The following PCDHGA9 variants were observed in gnomAD, a reference collection of about 807,000 sequenced individuals.
The protein encoded by PCDHGA9 is protocadherin gamma subfamily A, 9.
PCDHGA9 carries 37 observed loss-of-function variants against 62.5 expected under a neutral mutation model. The ratio of observed to expected loss-of-function variants is 0.59; its 90% CI spans 0.46 to 0.78. The LOEUF (loss-of-function observed/expected upper bound fraction) is 0.78. Among genes scored for constraint, PCDHGA9 ranks in the 30% least tolerant of loss-of-function variants. PCDHGA9 has a pLI of 0.00. For missense variants in PCDHGA9, 1,138 were observed against 1,166.2 expected (o/e 0.98, Z 0.35); for synonymous variants, 459 against 484.6 (o/e 0.95, Z 0.69).
chr5:141,483,444 T>C (rs956913442), intron 1 of PCDHGA9, among the ~76,000 whole-genome samples: 1 of 152,108 alleles, frequency 6.6e-6, no homozygotes, highest in African/African-American at 2.4e-5. Context: ...TACAATAAAA[T>C]CATCAGGACT....
At chr5:141,457,802 T>C (rs1332412750) in intron 1 of PCDHGA9, among the ~76,000 whole-genome samples, 1 of 152,210 alleles carries the variant, frequency 6.6e-6, no homozygotes, top group Non-Finnish European at 1.5e-5. Context: ...TCCTCTCCTC[T>C]TGAGGTCCCA....
At chr5:141,410,394 T>C in intron 1 of PCDHGA9, 1 of 1,614,054 alleles carries the variant, frequency 6.2e-7, no homozygotes, top group Non-Finnish European at 8.5e-7. Context: ...CATCCTGGTC[T>C]CTGTGTCAAG....
chr5:141,501,331 A>T (rs1024837974), intron 2 of PCDHGA9, among the ~76,000 whole-genome samples: 2 of 138,846 alleles, frequency 1.4e-5, no homozygotes, highest in Non-Finnish European at 1.6e-5. Flanking sequence ...ACACACACAC[A>T]CACCCCAAAC....
At chr5:141,447,535 G>C (rs1366016262) in intron 1 of PCDHGA9, among the ~76,000 whole-genome samples, 1 of 152,162 alleles carries the variant, frequency 6.6e-6, no homozygotes, top group African/African-American at 2.4e-5. Flanking sequence ...AAATTGTTGG[G>C]TTTTAATGTT....
intron 1 of PCDHGA9, chr5:141,424,694 T>C (rs2096834568): frequency 6.6e-6 from 1 of 152,252 alleles, no homozygotes; most frequent in East Asian, 1.9e-4. Flanking sequence ...TCTGGCTATT[T>C]TTTTGTTCAT....
At chr5:141,405,560 G>A in intron 1 of PCDHGA9, 184 bp downstream of exon 1, 1 of 613,636 alleles carries the variant, frequency 1.6e-6, no homozygotes, top group Non-Finnish European at 2.9e-6. Context: ...GAGTAGCTGG[G>A]ACTAGAGTAG....
Position 141,432,951 on chromosome 5 carries a change from G to T in PCDHGA9, c.2424+27575G>T, listed in dbSNP as rs758046420. 1.2e-6 allele frequency: 2 copies of T among 1,614,178 alleles called. No individual in the cohort carries two copies. The highest frequency in any genetic ancestry group is 4.5e-5 in the East Asian group (2 of 44,858). On this transcript the variant is annotated intron_variant, in intron 1 of 3. Coordinates refer to ENST00000573521, the MANE Select transcript of PCDHGA9 (RefSeq NM_018921.3). This position sits in a 1 kb window ranked among gnomAD's most constrained non-coding sequence, Gnocchi z 6.0. ...CGCCTGCTGCAGGCTTCAGGAGGCGGCTTGACAGGAGCGCCGGCGTCGCAC... is the reference window on the plus strand; with the variant it reads ...CGCCTGCTGCAGGCTTCAGGAGGCGTCTTGACAGGAGCGCCGGCGTCGCAC...
At chr5:141,506,172 TG>T (rs2099850913) in intron 3 of PCDHGA9, among the ~76,000 whole-genome samples, 1 of 152,128 alleles carries the variant, frequency 6.6e-6, no homozygotes, top group South Asian at 2.1e-4. Flanking sequence ...CAGCCTAAGC[TG>T]GGCGTGGTGG....
chr5:141,476,336 C>G lies in PCDHGA9; in HGVS notation c.2425-18471C>G, dbSNP rs1228900349. The G allele has an allele frequency of 2.5e-6, 4 of 1,614,008 alleles. No individual in the cohort carries two copies. The highest frequency in any genetic ancestry group is 2.2e-5 in the East Asian group (1 of 44,854). ...GTTCCGGGTGGTGTCTGGAGCTAGC[C>G]GAAGATTCTTTGAGGTGAACCGGGA... On this transcript the variant is annotated intron_variant, in intron 1 of 3. Coordinates refer to ENST00000573521, the MANE Select transcript of PCDHGA9 (RefSeq NM_018921.3). The surrounding 1 kb of genome is among the most constrained non-coding windows in gnomAD (Gnocchi z 7.6).
At position 141,419,527 on chromosome 5, in the gene PCDHGA9, C is replaced by G. The variant is rs755936657; in HGVS notation, c.2424+14151C>G. ...TGCGCGTGTTGGTGGGCGACCGTAA[C>G]GACAACGCACCGCGGGTGCTGTACC... is the stretch of plus-strand genomic sequence containing the variant. On this transcript the variant is annotated intron_variant, in intron 1 of 3. Transcript: ENST00000573521. The G allele has an allele frequency of 6.8e-5, 110 of 1,612,064 alleles. 2 individuals carry two copies. In the South Asian group the frequency reaches 9.6e-4, roughly 14 times the overall value.
At chr5:141,411,951 G>A (rs1589812278) in intron 1 of PCDHGA9, 1 of 152,252 alleles carries the variant, frequency 6.6e-6, no homozygotes, top group African/African-American at 2.4e-5. Context: ...GATTTTTGAA[G>A]AAAAAAGATA....
intron 1 of PCDHGA9, chr5:141,427,957 C>G (rs770633827): frequency 1.3e-5 from 20 of 1,588,284 alleles, no homozygotes; most frequent in African/African-American, 2.7e-5. Flanking sequence ...GACAATGTGC[C>G]GCGGGTGCTG....
chr5:141,419,203 C>T (rs201698529), intron 1 of PCDHGA9: 140 of 1,613,988 alleles, frequency 8.7e-5, no homozygotes, highest in Non-Finnish European at 1.2e-4. Flanking sequence ...TCAATGACAA[C>T]GCGCCGGTTT....
chr5:141,403,267 C>A lies in PCDHGA9; in HGVS notation c.315C>A (p.Asn105Lys). ...CTCAGAGCCCGCGGTGTCTGGTGAA[C>A]TTTAAAGTCCTGGTTGAAGACAGAG... ...LCAQSPRCLV[N>K]FKVLVEDRVK... The change falls in exon 1 of 4, where the codon AAC becomes AAA. Residue 105 changes from asparagine to lysine, a missense_variant. Physicochemically the swap from Asn to Lys is moderately conservative, Grantham distance 94 (BLOSUM62 0). Coordinates refer to ENST00000573521, the MANE Select transcript of PCDHGA9 (RefSeq NM_018921.3). 6.2e-7 allele frequency: 1 copy of A among 1,613,888 alleles called. No homozygotes were observed. Among genetic ancestry groups the A allele is most frequent in the Non-Finnish European group, 8.5e-7 (1 of 1,179,908 alleles).
intron 1 of PCDHGA9, among the ~76,000 whole-genome samples, chr5:141,407,414 C>T (rs1190741475): frequency 6.6e-6 from 1 of 152,156 alleles, no homozygotes; most frequent in Non-Finnish European, 1.5e-5. Flanking sequence ...TTCGATACCA[C>T]AAAAATGTCT....
At position 141,485,443 on chromosome 5, in the gene PCDHGA9, C is replaced by A. The variant is rs2099613637; in HGVS notation, c.2425-9364C>A. 5 of 1,614,054 alleles carry A rather than the reference C, an allele frequency of 3.1e-6. No individual in the cohort carries two copies. The East Asian group carries it at 6.7e-5, about 22-fold the overall frequency. ...GAGCCCTGCTCATCAAGAACCCAAT[C>A]GACCGAGAGGCACTGTGTGGGCTCA... On this transcript the variant is annotated intron_variant, in intron 1 of 3. Coordinates refer to ENST00000573521, the MANE Select transcript of PCDHGA9 (RefSeq NM_018921.3). This position sits in a 1 kb window ranked among gnomAD's most constrained non-coding sequence, Gnocchi z 5.7.
Position 141,477,098 on chromosome 5 carries a change from G to A in PCDHGA9, c.2425-17709G>A, listed in dbSNP as rs1562059777. 1.9e-6 allele frequency: 3 copies of A among 1,614,124 alleles called. No individual in the cohort carries two copies. The highest frequency in any genetic ancestry group is 3.3e-5 in the Admixed American group (2 of 60,008). The stretch of plus-strand genomic sequence containing the variant: ...GATTTACATCCAGGCCAAAGACAAG[G>A]GCGCCAATCCCGAAGGAGCACATTG... On this transcript the variant is annotated intron_variant, in intron 1 of 3. Coordinates refer to ENST00000573521, the MANE Select transcript of PCDHGA9 (RefSeq NM_018921.3). This position sits in a 1 kb window ranked among gnomAD's most constrained non-coding sequence, Gnocchi z 4.9.
chr5:141,489,247 C>T lies in PCDHGA9; in HGVS notation c.2425-5560C>T. 6.5e-7 allele frequency: 1 copy of T among 1,546,012 alleles called. No individual in the cohort carries two copies. The highest frequency in any genetic ancestry group is 8.7e-7 in the Non-Finnish European group (1 of 1,146,298). ...ACAAAGGGACTTCTGGGTCATGGGGCCCAAGACACTCCCACAGCTCGCTGG... is the reference window on the plus strand; with the variant it reads ...ACAAAGGGACTTCTGGGTCATGGGGTCCAAGACACTCCCACAGCTCGCTGG... On this transcript the variant is annotated intron_variant, in intron 1 of 3. Coordinates refer to ENST00000573521, the MANE Select transcript of PCDHGA9 (RefSeq NM_018921.3). This position sits in a 1 kb window ranked among gnomAD's most constrained non-coding sequence, Gnocchi z 4.5.
At chr5:141,504,113 C>A (rs568207803) in intron 2 of PCDHGA9, among the ~76,000 whole-genome samples, 1 of 152,220 alleles carries the variant, frequency 6.6e-6, no homozygotes, top group Non-Finnish European at 1.5e-5. Flanking sequence ...TGTGTGTGTG[C>A]CAGGGCTGTT....
Sources: gnomAD v4.1 joint callset for allele counts (sites outside exome capture counted in the v4.1 genomes callset) on GRCh38, gnomAD v4.1.1 for gene constraint, Gnocchi (gnomAD v3.1) non-coding constraint, MANE v1.5 for transcripts, NCBI Gene and HGNC (gene_info 2026-07-23, HGNC 2026-07-21) for gene names.